The following CWF19L2 variants were observed in gnomAD, a reference collection of about 807,000 sequenced individuals.
CWF19L2 encodes the protein CWF19-like protein 2.
A neutral mutation model predicts 111.7 loss-of-function variants in CWF19L2; 98 were observed. That is an observed-to-expected ratio of 0.88 (90% CI 0.75 to 1.04). The LOEUF is 1.04. CWF19L2 is among the 50% of genes least tolerant of loss of function. CWF19L2 has a pLI of 0.00. For synonymous variants in CWF19L2, 351 were observed against 342.9 expected (o/e 1.02, Z -0.26); for missense variants, 1,101 against 1,051.4 (o/e 1.05, Z -0.65).
chr11:107,382,611 T>C (rs957347583), intron 12 of CWF19L2, among the ~76,000 whole-genome samples: 3 of 152,230 alleles, frequency 2.0e-5, no homozygotes, highest in Non-Finnish European at 4.4e-5. Context: ...CATAACATAG[T>C]AAACATACTG....
At chr11:107,405,943 T>C (rs1240732334) in intron 10 of CWF19L2, among the ~76,000 whole-genome samples, 1 of 151,892 alleles carries the variant, frequency 6.6e-6, no homozygotes, top group Non-Finnish European at 1.5e-5. Flanking sequence ...ACAGTATCTA[T>C]TTACTGGATC....
At chr11:107,432,371 T>C (rs1056196256) in intron 7 of CWF19L2, among the ~76,000 whole-genome samples, 1 of 151,018 alleles carries the variant, frequency 6.6e-6, no homozygotes, top group Non-Finnish European at 1.5e-5. Flanking sequence ...AGGTCAGGAG[T>C]TCAAGACCAG....
At position 107,334,809 on chromosome 11, in the gene CWF19L2, A is replaced by G. The variant is rs1859897929; in HGVS notation, c.2439+72T>C. 4.1e-6 allele frequency: 4 copies of G among 974,228 alleles called. No homozygotes were observed. In the Admixed American group the frequency reaches 7.7e-5, roughly 19 times the overall value. 60.3% of individuals were successfully genotyped at this position (974,228 alleles called of 1,614,324 possible). A position where few individuals can be genotyped will look rare whatever the true frequency, so the allele number is the denominator to read the frequency against. On this transcript the variant is annotated intron_variant, in intron 16 of 17. Coordinates refer to ENST00000282251, the MANE Select transcript of CWF19L2 (RefSeq NM_152434.3). ...ACTCAACCAAATGGTCCCTTTGTCA[A>G]CTAAGACATGGAAATTAATAAAGAT...
intron 13 of CWF19L2, among the ~76,000 whole-genome samples, chr11:107,350,645 T>C (rs1284751094): frequency 6.6e-6 from 1 of 152,072 alleles, no homozygotes; most frequent in Non-Finnish European, 1.5e-5. Context: ...TTTTTTATAG[T>C]AGCCCGAACT....
In CWF19L2 at chr11:107,429,035, G is replaced by C. The variant is rs917415395; in HGVS notation, c.1197C>G (p.Gly399=). ...LSSSSALVAQ[G]SLCSGFRKPT... ...GTTTTCTAAAACCACTACACAAAGAGCCCTGAGCTACCAATGCTGAAGATG... is the reference window on the plus strand; with the variant it reads ...GTTTTCTAAAACCACTACACAAAGACCCCTGAGCTACCAATGCTGAAGATG... Residue 399 remains glycine, a synonymous_variant, in exon 8 of 18, where the codon GGC becomes GGG. Transcript: ENST00000282251. The C allele has an allele frequency of 2.5e-6, 4 of 1,613,610 alleles. No homozygotes were observed.
chr11:107,332,132 C>A, intron 16 of CWF19L2, among the ~76,000 whole-genome samples: 1 of 152,088 alleles, frequency 6.6e-6, no homozygotes, highest in East Asian at 1.9e-4. Flanking sequence ...TCTGGTAAAC[C>A]CACATTCTCG....
rs532848648 is a variant in CWF19L2 at position 107,385,331 on chromosome 11, A to AC, written c.1872+4742_1872+4743insG. 1.1e-3 allele frequency among the ~76,000 whole-genome samples: 164 copies of AC among 151,998 alleles called. 1 individual carries two copies. The highest frequency in any genetic ancestry group is 3.5e-3 in the African/African-American group (145 of 41,420). The stretch of plus-strand genomic sequence containing the variant: ...CCTCCATTAAATAATACAAAAAAAA[A>AC]ACAATTTGCTTGAATAAAAATAACA... On this transcript the variant is annotated intron_variant, in intron 12 of 17. Coordinates refer to ENST00000282251, the MANE Select transcript of CWF19L2 (RefSeq NM_152434.3).
chr11:107,371,336 C>G lies in CWF19L2; in HGVS notation c.1873-17600G>C, dbSNP rs1222999267. On this transcript the variant is annotated intron_variant, in intron 12 of 17. Coordinates refer to ENST00000282251, the MANE Select transcript of CWF19L2 (RefSeq NM_152434.3). ...CTATCTTTAGTGTTAATGGGTCATG[C>G]ATATTATGCCAAGATGTAAAAAATC... Among the ~76,000 whole-genome samples the G allele has an allele frequency of 2.2e-5, 3 of 137,502 alleles. 1 individual carries two copies. In the East Asian group the frequency reaches 6.4e-4, roughly 29 times the overall value. The allele number at this position is 137,502 out of a possible 152,430, so 90.2% of individuals were successfully genotyped here.
At chr11:107,451,172 T>C (rs557560222) in intron 3 of CWF19L2, among the ~76,000 whole-genome samples, 14 of 151,400 alleles carry the variant, frequency 9.2e-5, no homozygotes, top group Non-Finnish European at 1.6e-4. Context: ...TCAAAGTCAA[T>C]AACCCAAAAA....
chr11:107,355,245 G>A (rs2508682), intron 12 of CWF19L2, among the ~76,000 whole-genome samples: 2,353 of 151,906 alleles, frequency 0.015, 54 homozygotes, highest in African/African-American at 0.054. Flanking sequence ...GTGAAACCCC[G>A]TCTTTACTAA....
intron 3 of CWF19L2, among the ~76,000 whole-genome samples, chr11:107,447,955 AGATCCAAAC>A (rs1861723364): frequency 6.6e-6 from 1 of 152,230 alleles, no homozygotes; most frequent in African/African-American, 2.4e-5. Context: ...AACATTAGAA[AGATCCAAAC>A]GAAACATCTA....
At position 107,390,203 on chromosome 11, in the gene CWF19L2, G is replaced by C; in HGVS notation, c.1743C>G (p.Thr581=). 6.3e-7 allele frequency: 1 copy of C among 1,598,596 alleles called. No homozygotes were observed. The highest frequency in any genetic ancestry group is 8.5e-7 in the Non-Finnish European group (1 of 1,173,686). ...GGRRKRQMVS[T]HEERERVRYF... is the part of the protein sequence containing the mutation. ...ATCTGACCCTTTCTCTTTCCTCATG[G>C]GTTGAAACCTATGACAAAATGAACA... The change falls in exon 12 of 18, where the codon ACC becomes ACG. Residue 581 remains threonine, a synonymous_variant. Transcript: ENST00000282251.
rs1037586990 is a variant in CWF19L2, at chr11:107,426,945, C to G, written c.1433+1854G>C. On this transcript the variant is annotated intron_variant, in intron 8 of 17. Coordinates refer to ENST00000282251, the MANE Select transcript of CWF19L2 (RefSeq NM_152434.3). ...TTTCATTTTATACTCACCTATGCTT[C>G]ATATTCTTGTTTTATACTCTTCTGT... 4.6e-5 allele frequency among the ~76,000 whole-genome samples: 7 copies of G among 151,840 alleles called. No homozygotes were observed. In the South Asian group the frequency reaches 1.5e-3, roughly 32 times the overall value.
Position 107,338,127 on chromosome 11 carries a change from A to G in CWF19L2, c.2203-1414T>C, listed in dbSNP as rs531235656. Among the ~76,000 whole-genome samples, 6 of 152,256 alleles carry G rather than the reference A, an allele frequency of 3.9e-5. No homozygotes were observed. The East Asian group carries it at 1.2e-3, about 30-fold the overall frequency. ...GGCTGAAGTACCAGTGGCTATTCACAGGTGTGATCATAGCACACTACAACC... is the reference window on the plus strand; with the variant it reads ...GGCTGAAGTACCAGTGGCTATTCACGGGTGTGATCATAGCACACTACAACC... On this transcript the variant is annotated intron_variant, in intron 14 of 17. Transcript: ENST00000282251.
rs768694240 is a variant in CWF19L2 at position 107,390,171 on chromosome 11, T to G, written c.1775A>C (p.His592Pro). Residue 592 changes from histidine (H) to proline (P), a missense_variant, in exon 12 of 18, where the codon CAT (histidine) becomes CCT (proline). Physicochemically the swap from His to Pro is moderately conservative, Grantham distance 77 (BLOSUM62 -2). Coordinates refer to ENST00000282251, the MANE Select transcript of CWF19L2 (RefSeq NM_152434.3). ...ATTTAGGCTTAGATTATCATCATCA[T>G]GAAAGTATCTGACCCTTTCTCTTTC... Reference protein sequence around the residue: ...HEERERVRYFHDDDNLSLNDL... With the variant: ...HEERERVRYFPDDDNLSLNDL... 1 of 1,611,010 alleles carries G rather than the reference T, an allele frequency of 6.2e-7. No individual in the cohort carries two copies. Among genetic ancestry groups the G allele is most frequent in the East Asian group, 2.2e-5 (1 of 44,752 alleles).
At chr11:107,329,265 AAAG>A (rs1221126955) in intron 17 of CWF19L2, among the ~76,000 whole-genome samples, 1 of 152,214 alleles carries the variant, frequency 6.6e-6, no homozygotes, top group Non-Finnish European at 1.5e-5. Flanking sequence ...ACTTTAATTT[AAAG>A]ATTATACCCC....
intron 10 of CWF19L2, among the ~76,000 whole-genome samples, chr11:107,401,544 C>T (rs1469622082): frequency 6.6e-6 from 1 of 152,020 alleles, no homozygotes; most frequent in Non-Finnish European, 1.5e-5. Context: ...AAGGCCTCTA[C>T]AAGGAAAACT....
chr11:107,442,833 A>T (rs1287140475), intron 4 of CWF19L2, 106 bp downstream of exon 4: 1 of 497,242 alleles, frequency 2.0e-6, no homozygotes, highest in East Asian at 3.4e-5. Context: ...AGGGAGGGAG[A>T]GAGGGACAGA....
intron 10 of CWF19L2, among the ~76,000 whole-genome samples, chr11:107,396,775 A>C (rs902036550): frequency 6.6e-6 from 1 of 152,092 alleles, no homozygotes; most frequent in Non-Finnish European, 1.5e-5. Flanking sequence ...TCCCGAGAGG[A>C]CCCACAGACC....
Sources: gnomAD v4.1 joint callset for allele counts (sites outside exome capture counted in the v4.1 genomes callset) on GRCh38, gnomAD v4.1.1 for gene constraint, MANE v1.5 for transcripts, NCBI Gene and HGNC (gene_info 2026-07-23, HGNC 2026-07-21) for gene names.